HOMER1: variants seen among roughly 807,000 people sequenced by gnomAD.
HOMER1 encodes homer scaffold protein 1, also known as homer protein homolog 1.
Under a neutral mutation model 48.9 loss-of-function variants are expected in HOMER1, and 3 were observed. That is an observed-to-expected ratio of 0.06 (90% CI 0.03 to 0.16). HOMER1 has a LOEUF of 0.16. Among genes scored for constraint, HOMER1 ranks in the 10% least tolerant of loss-of-function variants. HOMER1 has a pLI of 1.00. For missense variants in HOMER1, 247 were observed against 411.4 expected (o/e 0.60, Z 3.46); for synonymous variants, 134 against 146.4 (o/e 0.92, Z 0.61).
rs10666507 is a variant in HOMER1 at position 79,465,584 on chromosome 5, C to CTTTTT, written c.6-8571_6-8567dup. 4.7e-4 allele frequency among the ~76,000 whole-genome samples: 37 copies of CTTTTT among 77,908 alleles called. 3 individuals are homozygous for CTTTTT. The highest frequency in any genetic ancestry group is 1.4e-3 in the East Asian group (3 of 2,166). The allele number at this position is 77,908 out of a possible 152,430, so 51.1% of individuals were successfully genotyped here. A position where few individuals can be genotyped will look rare whatever the true frequency, so the allele number is the denominator to read the frequency against. On this transcript the variant is annotated intron_variant, in intron 1 of 8. Coordinates refer to ENST00000334082, the MANE Select transcript of HOMER1 (RefSeq NM_004272.5). ...AGTAACAGTACTGTTTACATTTCTT[C>CTTTTT]TTTTTTTTTTTTTTTTTTTTTTTTT...
At chr5:79,456,288 G>C (rs1247626602) in intron 2 of HOMER1, among the ~76,000 whole-genome samples, 4 of 152,164 alleles carry the variant, frequency 2.6e-5, no homozygotes, top group Non-Finnish European at 5.9e-5. Context: ...ATGAGGCTCA[G>C]AGAAGTAATC....
chr5:79,480,622 G>A (rs1160776787), intron 1 of HOMER1, among the ~76,000 whole-genome samples: 2 of 152,164 alleles, frequency 1.3e-5, no homozygotes, highest in Non-Finnish European at 2.9e-5. Context: ...ATATGCCCAT[G>A]TAAGTTATTA....
chr5:79,477,930 A>G (rs1165077022), intron 1 of HOMER1, among the ~76,000 whole-genome samples: 1 of 152,140 alleles, frequency 6.6e-6, no homozygotes, highest in Non-Finnish European at 1.5e-5. Flanking sequence ...AAGATGATGA[A>G]GGCATACCTA....
intron 1 of HOMER1, among the ~76,000 whole-genome samples, chr5:79,500,893 G>C (rs1270974227): frequency 6.6e-5 from 10 of 150,902 alleles, no homozygotes; most frequent in African/African-American, 2.4e-4. Flanking sequence ...CCAAAGTGCT[G>C]GGATTATAGG....
chr5:79,441,433 T>C (rs745930757), intron 4 of HOMER1, among the ~76,000 whole-genome samples: 14 of 152,028 alleles, frequency 9.2e-5, no homozygotes, highest in Non-Finnish European at 5.9e-5. Flanking sequence ...TTAATGCTAC[T>C]AAAGTAGAAA....
At chr5:79,483,826 G>A (rs1018831253) in intron 1 of HOMER1, among the ~76,000 whole-genome samples, 3 of 151,692 alleles carry the variant, frequency 2.0e-5, no homozygotes, top group Admixed American at 2.0e-4. Flanking sequence ...AGGCCGAGGT[G>A]GGTGGATCAC....
chr5:79,505,254 G>A (rs1752715492), intron 1 of HOMER1, among the ~76,000 whole-genome samples: 1 of 151,358 alleles, frequency 6.6e-6, no homozygotes, highest in Non-Finnish European at 1.5e-5. Context: ...GCAAGACTCT[G>A]TTTCAAAAAA....
rs772211506 is a variant in HOMER1, at chr5:79,439,164, G to A, written c.388-15C>T. ...CCTGCGGATTCCTTTAAAAAAAGGG[G>A]TGGGGGATAAAAAATAGTTACACTT... On this transcript the variant is annotated splice_polypyrimidine_tract_variant and intron_variant, in intron 4 of 8. Coordinates refer to ENST00000334082, the MANE Select transcript of HOMER1 (RefSeq NM_004272.5). The A allele has an allele frequency of 1.4e-5, 23 of 1,612,670 alleles. No individual in the cohort carries two copies. The highest frequency in any genetic ancestry group is 1.7e-5 in the Non-Finnish European group (20 of 1,179,490).
intron 5 of HOMER1, among the ~76,000 whole-genome samples, chr5:79,411,986 G>A (rs1434102310): frequency 1.3e-5 from 2 of 152,164 alleles, no homozygotes; most frequent in Non-Finnish European, 2.9e-5. Context: ...GGGTGTGGTG[G>A]CAGACGCCTG....
intron 1 of HOMER1, among the ~76,000 whole-genome samples, chr5:79,461,253 C>T (rs1221512520): frequency 3.9e-5 from 6 of 152,194 alleles, no homozygotes; most frequent in Non-Finnish European, 5.9e-5. Flanking sequence ...TCTTAAAAAT[C>T]TAGCTCTTAA....
At chr5:79,401,150 T>C (rs1371843899) in intron 6 of HOMER1, among the ~76,000 whole-genome samples, 5 of 151,950 alleles carry the variant, frequency 3.3e-5, no homozygotes, top group Non-Finnish European at 4.4e-5. Flanking sequence ...AATTGTTCCT[T>C]CTTTAAAAAG....
intron 5 of HOMER1, among the ~76,000 whole-genome samples, chr5:79,405,346 T>C (rs991777628): frequency 2.0e-5 from 3 of 152,178 alleles, no homozygotes; most frequent in African/African-American, 7.2e-5. Flanking sequence ...ATTTCTATAG[T>C]TTAAGCCATG....
chr5:79,475,320 G>A (rs73122394), intron 1 of HOMER1, among the ~76,000 whole-genome samples: 10,196 of 126,788 alleles, frequency 0.08, 748 homozygotes, highest in East Asian at 0.3. Context: ...CACTGGATGG[G>A]AGAATAATTA....
chr5:79,454,810 G>GATA (rs1225845439), intron 2 of HOMER1, among the ~76,000 whole-genome samples: 1 of 152,140 alleles, frequency 6.6e-6, no homozygotes, highest in Non-Finnish European at 1.5e-5. Flanking sequence ...ATAATCGCCT[G>GATA]ATAATAGTAT....
intron 1 of HOMER1, among the ~76,000 whole-genome samples, chr5:79,490,531 A>C (rs1216731792): frequency 6.6e-6 from 1 of 152,212 alleles, no homozygotes; most frequent in Non-Finnish European, 1.5e-5. Context: ...ATCATAAATA[A>C]TATTTAAAAC....
intron 5 of HOMER1, among the ~76,000 whole-genome samples, chr5:79,422,480 A>C (rs1750127879): frequency 6.6e-6 from 1 of 152,142 alleles, no homozygotes; most frequent in Admixed American, 6.5e-5. Context: ...GAAGTACAGA[A>C]GCAAGGGATT....
chr5:79,380,964 C>A (rs1748954329), intron 8 of HOMER1, among the ~76,000 whole-genome samples: 1 of 152,174 alleles, frequency 6.6e-6, no homozygotes, highest in Non-Finnish European at 1.5e-5. Flanking sequence ...CCATACTACA[C>A]CAGTTGCCCA....
At chr5:79,489,956 G>T (rs1752223089) in intron 1 of HOMER1, among the ~76,000 whole-genome samples, 1 of 152,300 alleles carries the variant, frequency 6.6e-6, no homozygotes, top group Middle Eastern at 3.4e-3. Context: ...AACTTGACTT[G>T]TAACCTCTAG....
chr5:79,384,719 C>T (rs1297841775), intron 8 of HOMER1, among the ~76,000 whole-genome samples: 1 of 151,958 alleles, frequency 6.6e-6, no homozygotes, highest in Non-Finnish European at 1.5e-5. Flanking sequence ...GGCCAATATC[C>T]CTGAAAAACA....
Sources: gnomAD v4.1 joint callset for allele counts (sites outside exome capture counted in the v4.1 genomes callset) on GRCh38, gnomAD v4.1.1 for gene constraint, MANE v1.5 for transcripts, NCBI Gene and HGNC (gene_info 2026-07-23, HGNC 2026-07-21) for gene names.